FHIP1A: variants seen among roughly 807,000 people sequenced by gnomAD.
FHIP1A encodes FHF complex subunit HOOK-interacting protein 1A.
A neutral mutation model predicts 88.6 loss-of-function variants in FHIP1A; 61 were observed. That is an observed-to-expected ratio of 0.69 (90% CI 0.56 to 0.85). The LOEUF (loss-of-function observed/expected upper bound fraction) is 0.85, where lower values mean the gene tolerates loss of function less well. Among genes scored for constraint, FHIP1A ranks in the 40% least tolerant of loss-of-function variants. The pLI, the probability that FHIP1A is intolerant of heterozygous loss-of-function variation, is 0.00. For synonymous variants in FHIP1A, 478 were observed against 496.0 expected (o/e 0.96, Z 0.48); for missense variants, 1,154 against 1,273.5 (o/e 0.91, Z 1.43).
At chr4:151,548,070 G>A (rs1404021285) in intron 3 of FHIP1A, among the ~76,000 whole-genome samples, 2 of 152,104 alleles carry the variant, frequency 1.3e-5, no homozygotes, top group Non-Finnish European at 2.9e-5. Context: ...CCTGCTGAAG[G>A]TTACATGGCT....
chr4:151,571,154 A>C (rs1733588142), intron 4 of FHIP1A, among the ~76,000 whole-genome samples: 1 of 152,134 alleles, frequency 6.6e-6, no homozygotes, highest in South Asian at 2.1e-4. Context: ...TGCTCTATTC[A>C]TTTTCTATCT....
At chr4:151,443,787 T>C (rs1323988032) in intron 1 of FHIP1A, among the ~76,000 whole-genome samples, 1 of 151,030 alleles carries the variant, frequency 6.6e-6, no homozygotes, top group Non-Finnish European at 1.5e-5. Flanking sequence ...AGGAAGTATT[T>C]ACTCTGAGGT....
intron 11 of FHIP1A, among the ~76,000 whole-genome samples, chr4:151,654,211 A>G (rs1306646779): frequency 2.0e-5 from 3 of 152,108 alleles, no homozygotes; most frequent in Non-Finnish European, 4.4e-5. Flanking sequence ...AGTGGACTCC[A>G]TTTGTATCAT....
In FHIP1A at chr4:151,650,555, T is replaced by G; in HGVS notation, c.2514T>G (p.Ser838Arg). Reference sequence around the variant, plus strand: ...GGAGAGATGAGGCTGCCTTTGCCAGTCGCCATCCCGTGAGGACTCAAAGCA... The same window carrying G: ...GGAGAGATGAGGCTGCCTTTGCCAGGCGCCATCCCGTGAGGACTCAAAGCA... ...FVGRDEAAFA[S>R]RHPVRTQSTP... Residue 838 changes from serine (S) to arginine (R), a missense_variant, in exon 11 of 14, where the codon AGT (serine) becomes AGG (arginine). Ser to Arg is a moderately radical substitution (Grantham distance 110). Coordinates refer to ENST00000435205, the MANE Select transcript of FHIP1A (RefSeq NM_001109977.3). 6.4e-7 allele frequency: 1 copy of G among 1,551,244 alleles called. No homozygotes were observed. The highest frequency in any genetic ancestry group is 8.7e-7 in the Non-Finnish European group (1 of 1,146,936).
rs893953176 is a variant in FHIP1A, at chr4:151,409,437, C to CG, written c.-380dup. The stretch of plus-strand genomic sequence containing the variant: ...CACTTGTCCAGCGAGCCCCACTGCT[C>CG]GGGGAGGAGGAGCCACGGCCGGGGA... On this transcript the variant is annotated 5_prime_UTR_variant, in exon 1 of 14. Coordinates refer to ENST00000435205, the MANE Select transcript of FHIP1A (RefSeq NM_001109977.3). 6.6e-6 allele frequency: 1 copy of CG among 152,658 alleles called. No individual in the cohort carries two copies. The highest frequency in any genetic ancestry group is 2.4e-5 in the African/African-American group (1 of 41,428). The allele number at this position is 152,658 out of a possible 1,614,324, so 9.5% of individuals were successfully genotyped here. A position where few individuals can be genotyped will look rare whatever the true frequency, so the allele number is the denominator to read the frequency against.
intron 7 of FHIP1A, among the ~76,000 whole-genome samples, chr4:151,592,280 G>A (rs62327266): frequency 0.28 from 42,839 of 151,914 alleles, 6,320 homozygotes; most frequent in Non-Finnish European, 0.33. Flanking sequence ...GACCACAGGC[G>A]CCCGCCACCA....
intron 3 of FHIP1A, among the ~76,000 whole-genome samples, chr4:151,502,037 C>G (rs1328349012): frequency 6.6e-6 from 1 of 150,874 alleles, no homozygotes; most frequent in Non-Finnish European, 1.5e-5. Context: ...CTAAAGGGGC[C>G]AGGCACAATG....
intron 7 of FHIP1A, among the ~76,000 whole-genome samples, chr4:151,624,312 C>T (rs1036594258): frequency 6.6e-6 from 1 of 152,170 alleles, no homozygotes; most frequent in African/African-American, 2.4e-5. Flanking sequence ...AGGGAAGCAG[C>T]GCTCAGTGAG....
At chr4:151,483,832 A>G (rs1729985270) in intron 3 of FHIP1A, among the ~76,000 whole-genome samples, 1 of 152,198 alleles carries the variant, frequency 6.6e-6, no homozygotes, top group African/African-American at 2.4e-5. Flanking sequence ...GCTGATAATC[A>G]TAAATAGCAG....
chr4:151,529,425 T>C (rs1016608617), intron 3 of FHIP1A, among the ~76,000 whole-genome samples: 3 of 152,186 alleles, frequency 2.0e-5, no homozygotes, highest in Non-Finnish European at 4.4e-5. Context: ...TACCTCCTAG[T>C]TCAAATCCCC....
rs766577986 is a variant in FHIP1A, at chr4:151,649,743, C to T, written c.1702C>T (p.Pro568Ser). The T allele has an allele frequency of 8.4e-6, 13 of 1,551,508 alleles. No individual in the cohort carries two copies. The highest frequency in any genetic ancestry group is 9.6e-6 in the Non-Finnish European group (11 of 1,146,980). The change falls in exon 11 of 14, where the codon CCC becomes TCC. Residue 568 changes from proline (P) to serine (S), a missense_variant. By Grantham distance (74) the Pro-to-Ser change is moderately conservative (BLOSUM62 -1). Transcript: ENST00000435205. The stretch of plus-strand genomic sequence containing the variant: ...CAGGAAGACAGGACCTCAGCTGGCT[C>T]CCAGAAAGGACAAGAGCCAGACAGA... The part of the protein sequence containing the change: ...LPRKTGPQLA[P>S]RKDKSQTELE...
intron 1 of FHIP1A, among the ~76,000 whole-genome samples, chr4:151,428,643 G>T (rs1561490708): frequency 6.6e-6 from 1 of 152,064 alleles, no homozygotes; most frequent in Non-Finnish European, 1.5e-5. Context: ...CACTGTAAGG[G>T]TAAATAAAGA....
intron 3 of FHIP1A, among the ~76,000 whole-genome samples, chr4:151,531,164 G>T (rs776028947): frequency 2.0e-5 from 3 of 151,954 alleles, no homozygotes; most frequent in Non-Finnish European, 4.4e-5. Context: ...AATTAATGAT[G>T]TGCCAGCAAC....
At chr4:151,523,662 G>A (rs1731524705) in intron 3 of FHIP1A, among the ~76,000 whole-genome samples, 1 of 152,172 alleles carries the variant, frequency 6.6e-6, no homozygotes, top group African/African-American at 2.4e-5. Flanking sequence ...GTTAGACTGT[G>A]GTGGATTATG....
chr4:151,531,972 A>G (rs1731892406), intron 3 of FHIP1A, among the ~76,000 whole-genome samples: 1 of 152,272 alleles, frequency 6.6e-6, no homozygotes, highest in Non-Finnish European at 1.5e-5. Flanking sequence ...GAAAGTTACA[A>G]AATAAAAAAG....
intron 1 of FHIP1A, among the ~76,000 whole-genome samples, chr4:151,426,380 A>T (rs979900538): frequency 1.3e-5 from 2 of 152,180 alleles, no homozygotes; most frequent in Admixed American, 6.5e-5. Flanking sequence ...ATTAGGTATG[A>T]GACTGCAGAT....
chr4:151,514,675 C>G (rs1385504304), intron 3 of FHIP1A, among the ~76,000 whole-genome samples: 1 of 152,126 alleles, frequency 6.6e-6, no homozygotes, highest in Admixed American at 6.5e-5. Flanking sequence ...ACTACAAACA[C>G]CTCTATGCAA....
intron 2 of FHIP1A, among the ~76,000 whole-genome samples, chr4:151,470,441 G>T (rs931747187): frequency 2.6e-5 from 4 of 152,138 alleles, no homozygotes; most frequent in African/African-American, 9.7e-5. Flanking sequence ...TTTTACTTCA[G>T]TGGGGTCACT....
intron 5 of FHIP1A, among the ~76,000 whole-genome samples, chr4:151,579,435 G>T (rs761274329): frequency 6.6e-6 from 1 of 152,072 alleles, no homozygotes; most frequent in East Asian, 1.9e-4. Context: ...TCTTCAAAAC[G>T]GCAGTTTTGA....
Sources: gnomAD v4.1 joint callset for allele counts (sites outside exome capture counted in the v4.1 genomes callset) on GRCh38, gnomAD v4.1.1 for gene constraint, MANE v1.5 for transcripts, NCBI Gene and HGNC (gene_info 2026-07-23, HGNC 2026-07-21) for gene names.